Variants in FAM185A observed in about 807,000 individuals in gnomAD.
FAM185A encodes the protein family with sequence similarity 185 member A.
FAM185A carries 21 observed loss-of-function variants against 45.7 expected under a neutral mutation model. That is an observed-to-expected ratio of 0.46 (90% CI 0.33 to 0.66). The LOEUF (loss-of-function observed/expected upper bound fraction) is 0.66, where lower values mean the gene tolerates loss of function less well. Among genes scored for constraint, FAM185A ranks in the 30% least tolerant of loss-of-function variants. The pLI is 0.03. For synonymous variants in FAM185A, 117 were observed against 194.0 expected (o/e 0.60, Z 3.30); for missense variants, 305 against 485.4 (o/e 0.63, Z 3.49).
the FAM185A span, among the ~76,000 whole-genome samples, chr7:102,815,459 G>A: frequency 3.9e-5 from 6 of 152,020 alleles, no homozygotes; most frequent in African/African-American, 1.5e-4. Context: ...GCTTCTGCTG[G>A]ATTGCTGGTC....
intron 6 of FAM185A, among the ~76,000 whole-genome samples, chr7:102,777,587 A>C (rs1233137983): frequency 6.6e-6 from 1 of 151,136 alleles, no homozygotes; most frequent in African/African-American, 2.4e-5. Flanking sequence ...AAAATGTAAT[A>C]TTTTGACTGT....
chr7:102,758,459 TATA>T (rs1793916490), intron 3 of FAM185A, among the ~76,000 whole-genome samples: 2 of 107,458 alleles, frequency 1.9e-5, no homozygotes, highest in Admixed American at 2.2e-4. Context: ...TTTTTTTTTT[TATA>T]GTAGCTATTG....
At chr7:102,813,292 A>AAAACTT (rs769974294), downstream of FAM185A, 1 of 1,528,078 alleles carries the variant, frequency 6.5e-7, no homozygotes, top group Non-Finnish European at 8.8e-7. Context: ...ACAAATGGAG[A>AAAACTT]AAACTTGCCA....
At chr7:102,813,044 T>C (rs947482555), downstream of FAM185A, among the ~76,000 whole-genome samples, 2 of 152,096 alleles carry the variant, frequency 1.3e-5, no homozygotes, top group South Asian at 4.2e-4. Context: ...GGTTTCACCA[T>C]GTTGGCCAGG....
chr7:102,836,620 G>A, the FAM185A span, among the ~76,000 whole-genome samples: 2 of 152,298 alleles, frequency 1.3e-5, no homozygotes, highest in South Asian at 4.1e-4. Flanking sequence ...CCTTTCCCAT[G>A]TATCAGCCAA....
At chr7:102,830,962 G>C in the FAM185A span, among the ~76,000 whole-genome samples, 1 of 152,144 alleles carries the variant, frequency 6.6e-6, no homozygotes. Context: ...ATTAAGAGTG[G>C]AGGACTAAAA....
intron 7 of FAM185A, among the ~76,000 whole-genome samples, chr7:102,807,935 C>A (rs1797226923): frequency 6.6e-6 from 1 of 152,176 alleles, no homozygotes; most frequent in South Asian, 2.1e-4. Flanking sequence ...GTGGCGCGTG[C>A]CTGTAGTCCC....
At chr7:102,839,904 T>C in the FAM185A span, among the ~76,000 whole-genome samples, 1 of 152,112 alleles carries the variant, frequency 6.6e-6, no homozygotes, top group Non-Finnish European at 1.5e-5. Context: ...GAACTTTCAA[T>C]ATTTTCTTGT....
chr7:102,839,763 G>A, the FAM185A span, among the ~76,000 whole-genome samples: 1 of 151,956 alleles, frequency 6.6e-6, no homozygotes, highest in Non-Finnish European at 1.5e-5. Flanking sequence ...AATATTTTGA[G>A]CATACACTTT....
chr7:102,826,331 C>T, the FAM185A span, among the ~76,000 whole-genome samples: 1 of 152,034 alleles, frequency 6.6e-6, no homozygotes, highest in Admixed American at 6.5e-5. Context: ...AAATCTAATG[C>T]AGTAAGAAAT....
chr7:102,827,225 C>A, the FAM185A span: 2 of 439,988 alleles, frequency 4.5e-6, no homozygotes, highest in South Asian at 3.1e-5. Flanking sequence ...GATGAGACCG[C>A]ATGAAGCAGG....
intron 7 of FAM185A, among the ~76,000 whole-genome samples, chr7:102,789,506 C>G (rs192741356): frequency 6.6e-6 from 1 of 152,142 alleles, no homozygotes; most frequent in African/African-American, 2.4e-5. Flanking sequence ...GTCAGGAGTT[C>G]GAGACCAGCG....
At chr7:102,813,321 C>T (rs1382810972), downstream of FAM185A, 1 of 1,566,022 alleles carries the variant, frequency 6.4e-7, no homozygotes, top group Non-Finnish European at 8.6e-7. Context: ...ATTTTTTGTT[C>T]TTCCTGCTTG....
At position 102,808,276 on chromosome 7, in the gene FAM185A, ATT is replaced by A; in HGVS notation, c.1067-11_1067-10del. The A allele has an allele frequency of 4.6e-6, 7 of 1,525,170 alleles. No homozygotes were observed. Among genetic ancestry groups the A allele is most frequent in the Non-Finnish European group, 6.2e-6 (7 of 1,123,002 alleles). 94.5% of individuals were successfully genotyped at this position (1,525,170 alleles called of 1,614,324 possible). On this transcript the variant is annotated splice_polypyrimidine_tract_variant and intron_variant, in intron 7 of 7. Coordinates refer to ENST00000413034, the MANE Select transcript of FAM185A (RefSeq NM_001145268.2). ...AATGCTCTTGATATAATTTTATGCA[ATT>A]TTGTGTTTTAGGACTCATGAATCAA... is the stretch of plus-strand genomic sequence containing the variant.
In FAM185A at chr7:102,772,413, T is replaced by C. The variant is rs1034749749; in HGVS notation, c.798T>C (p.Asn266=). The stretch of plus-strand genomic sequence containing the variant: ...GTATCTTTTTCTTTTTGGCAGGTAA[T>C]ATAACATTACAAAGCAAGATGGGTA... ...GDITLGSVHG[N]ITLQSKMGNI... Residue 266 remains asparagine, a synonymous_variant, in exon 5 of 8, where the codon AAT becomes AAC. Coordinates refer to ENST00000413034, the MANE Select transcript of FAM185A (RefSeq NM_001145268.2). 5.2e-6 allele frequency: 8 copies of C among 1,542,698 alleles called. No homozygotes were observed. The highest frequency in any genetic ancestry group is 6.1e-6 in the Non-Finnish European group (7 of 1,143,138).
At chr7:102,809,815 T>C (rs1797331259), downstream of FAM185A, among the ~76,000 whole-genome samples, 1 of 152,228 alleles carries the variant, frequency 6.6e-6, no homozygotes, top group South Asian at 2.1e-4. Context: ...AATCTCATGA[T>C]GAAATGTAAT....
chr7:102,779,850 CTTTTTTTTTTTTTTTTTT>C (rs10537618), intron 6 of FAM185A: 1 of 34,202 alleles, frequency 2.9e-5, no homozygotes, highest in Non-Finnish European at 4.9e-5. Context: ...CCACACCCAG[CTTTTTTTTTTTTTTTTTT>C]TTTTTTTTTT....
chr7:102,784,333 A>T (rs1783094924), intron 6 of FAM185A, among the ~76,000 whole-genome samples: 1 of 151,920 alleles, frequency 6.6e-6, no homozygotes, highest in South Asian at 2.1e-4. Flanking sequence ...AACTCATTTT[A>T]TGAGGCCAGC....
chr7:102,800,952 G>A (rs1028291912), intron 7 of FAM185A, among the ~76,000 whole-genome samples: 3 of 152,128 alleles, frequency 2.0e-5, no homozygotes, highest in Admixed American at 1.3e-4. Flanking sequence ...CCAAAGTTGA[G>A]ACAAAAGAAA....
Sources: allele counts gnomAD v4.1 joint callset (sites outside exome capture counted in the v4.1 genomes callset), GRCh38; gene constraint gnomAD v4.1.1; transcripts MANE v1.5; gene names NCBI Gene and HGNC (gene_info 2026-07-23, HGNC 2026-07-21).